RUBCN: variants seen among roughly 807,000 people sequenced by gnomAD.
RUBCN encodes run domain Beclin-1-interacting and cysteine-rich domain-containing protein.
RUBCN carries 74 observed loss-of-function variants against 113.2 expected under a neutral mutation model. The ratio of observed to expected loss-of-function variants is 0.65; its 90% CI spans 0.54 to 0.79. RUBCN has a LOEUF of 0.79. Ranked by LOEUF, RUBCN falls within the 30% of genes least tolerant of loss-of-function variation. RUBCN has a pLI of 0.00. For synonymous variants in RUBCN, 480 were observed against 490.0 expected, an observed-to-expected ratio of 0.98 and a Z score of 0.27; for missense variants, 1,109 against 1,251.7, an observed-to-expected ratio of 0.89 and a Z score of 1.72.
chr3:197,703,508 G>A, intron 5 of RUBCN, 40 bp downstream of exon 5: 11 of 1,392,480 alleles, frequency 7.9e-6, no homozygotes, highest in Non-Finnish European at 1.1e-5. Flanking sequence ...TGAGCTCCAG[G>A]GACCCAGCAT....
chr3:197,717,255 A>G (rs558053862), intron 2 of RUBCN, among the ~76,000 whole-genome samples: 25 of 152,154 alleles, frequency 1.6e-4, no homozygotes, highest in South Asian at 1.2e-3. Context: ...CATCCTGGCT[A>G]ACACGGTGAA....
upstream of RUBCN, chr3:197,736,934 C>G: frequency 1.0e-5 from 14 of 1,343,162 alleles, 1 homozygote; most frequent in South Asian, 2.2e-4. Context: ...GACTACAGCC[C>G]CCGGCGAGCA....
chr3:197,746,634 T>G (rs1457250868), intron 1 of RUBCN, among the ~76,000 whole-genome samples: 5 of 152,250 alleles, frequency 3.3e-5, no homozygotes, highest in African/African-American at 1.2e-4. Flanking sequence ...ACGTGGGACA[T>G]ATTTGTACTA....
At position 197,673,952 on chromosome 3, in the gene RUBCN, A is replaced by T. The variant is rs1720045992; in HGVS notation, c.*1066T>A. ...GACCAAAGAAGCTAAGGCAAGAGAG[A>T]CTCGGCCACCAGGGAAGGACCCAGC... On this transcript the variant is annotated 3_prime_UTR_variant, in exon 20 of 20. Transcript: ENST00000296343. The T allele has an allele frequency of 1.3e-5, 2 of 152,312 alleles. No individual in the cohort carries two copies. Among genetic ancestry groups the T allele is most frequent in the Admixed American group, 1.3e-4 (2 of 15,278 alleles). 9.4% of individuals were successfully genotyped at this position (152,312 alleles called of 1,614,324 possible). A position where few individuals can be genotyped will look rare whatever the true frequency, so the allele number is the denominator to read the frequency against.
upstream of RUBCN, among the ~76,000 whole-genome samples, chr3:197,740,327 G>A (rs1322757251): frequency 1.3e-5 from 2 of 151,126 alleles, no homozygotes; most frequent in African/African-American, 4.9e-5. Context: ...AAATTAGCTG[G>A]GAATGGTGGC....
intron 1 of RUBCN, among the ~76,000 whole-genome samples, chr3:197,726,526 G>T (rs551555350): frequency 7.1e-6 from 1 of 140,560 alleles, no homozygotes; most frequent in African/African-American, 2.7e-5. Flanking sequence ...GATTACAGGC[G>T]TGAGCCACCG....
In RUBCN at chr3:197,674,851, T is replaced by TGGAG; in HGVS notation, c.*166_*167insCTCC. 3.4e-6 allele frequency: 2 copies of TGGAG among 580,638 alleles called. No homozygotes were observed. The highest frequency in any genetic ancestry group is 2.6e-5 in the South Asian group (1 of 38,682). 36.0% of individuals were successfully genotyped at this position (580,638 alleles called of 1,614,324 possible). A position where few individuals can be genotyped will look rare whatever the true frequency, so the allele number is the denominator to read the frequency against. Reference sequence around the variant, plus strand: ...CTGGACCCATCAACCTGCCGACGGCTGACTGCACACAGACGTCAGACAAGT... The same window carrying TGGAG: ...CTGGACCCATCAACCTGCCGACGGCTGGAGGACTGCACACAGACGTCAGACAAGT... On this transcript the variant is annotated 3_prime_UTR_variant, in exon 20 of 20. Coordinates refer to ENST00000296343, the MANE Select transcript of RUBCN (RefSeq NM_014687.4).
intron 2 of RUBCN, among the ~76,000 whole-genome samples, chr3:197,706,846 G>A (rs1222585994): frequency 2.0e-5 from 3 of 152,148 alleles, no homozygotes; most frequent in Non-Finnish European, 4.4e-5. Context: ...TCTATACTGC[G>A]AGGGTAGAAG....
chr3:197,703,123 G>A (rs1723865785), intron 5 of RUBCN, among the ~76,000 whole-genome samples: 1 of 151,978 alleles, frequency 6.6e-6, no homozygotes. Context: ...AGCTGGCCGG[G>A]CGCGGTGGCT....
At chr3:197,736,287 C>T (rs1728110212) in intron 1 of RUBCN, among the ~76,000 whole-genome samples, 2 of 152,142 alleles carry the variant, frequency 1.3e-5, no homozygotes, top group African/African-American at 2.4e-5. Flanking sequence ...AGTTTCAGTC[C>T]GGGTGGTGCC....
intron 18 of RUBCN, chr3:197,676,222 G>A (rs1434630007): frequency 6.1e-6 from 6 of 990,496 alleles, no homozygotes; most frequent in Non-Finnish European, 7.2e-6. Flanking sequence ...CCTCAGAGGG[G>A]ACAAAGTATT....
intron 1 of RUBCN, among the ~76,000 whole-genome samples, chr3:197,721,187 G>A (rs1726120417): frequency 6.6e-6 from 1 of 152,146 alleles, no homozygotes; most frequent in African/African-American, 2.4e-5. Context: ...GGAAGAATTG[G>A]TATTAGTTCT....
intron 8 of RUBCN, 134 bp from the exon 9 acceptor site, chr3:197,696,115 A>T (rs1273847762): frequency 1.2e-6 from 1 of 864,574 alleles, no homozygotes; most frequent in Non-Finnish European, 1.9e-6. Flanking sequence ...ACCTTCTAAA[A>T]GAATTTCTTG....
chr3:197,680,174 C>T (rs1203307679), intron 16 of RUBCN, among the ~76,000 whole-genome samples: 1 of 113,744 alleles, frequency 8.8e-6, no homozygotes, highest in African/African-American at 3.5e-5. Context: ...GCTCTGACAA[C>T]TGGCTCCAGA....
At position 197,681,103 on chromosome 3, in the gene RUBCN, T is replaced by TA; in HGVS notation, c.2430+25dup. 6.7e-7 allele frequency: 1 copy of TA among 1,497,266 alleles called. No homozygotes were observed. The allele number at this position is 1,497,266 out of a possible 1,614,324, so 92.7% of individuals were successfully genotyped here. ...TGAGGGGAGGAGAAGGGCAAGACTC[T>TA]AAGGTGGCCTTTTCCAAGGTCTTAC... On this transcript the variant is annotated intron_variant, in intron 16 of 19. Transcript: ENST00000296343. The surrounding 1 kb of genome is among the most constrained non-coding windows in gnomAD (Gnocchi z 5.5).
intron 1 of RUBCN, among the ~76,000 whole-genome samples, chr3:197,725,770 C>T (rs899611212): frequency 6.6e-6 from 1 of 152,242 alleles, no homozygotes; most frequent in Non-Finnish European, 1.5e-5. Context: ...TGAATTTCAA[C>T]AATCAGTGGA....
chr3:197,731,259 C>T (rs916441253), intron 1 of RUBCN, among the ~76,000 whole-genome samples: 3 of 152,172 alleles, frequency 2.0e-5, no homozygotes, highest in Admixed American at 2.0e-4. Flanking sequence ...ACCCTCAATC[C>T]ATTCAACCCT....
chr3:197,744,996 G>C (rs955549058), intron 1 of RUBCN, among the ~76,000 whole-genome samples: 3 of 152,092 alleles, frequency 2.0e-5, no homozygotes, highest in Non-Finnish European at 4.4e-5. Context: ...TAAGAAAAGG[G>C]GGATTTAGGC....
chr3:197,721,657 G>A (rs1207082197), intron 1 of RUBCN, among the ~76,000 whole-genome samples: 1 of 151,332 alleles, frequency 6.6e-6, no homozygotes, highest in Non-Finnish European at 1.5e-5. Context: ...GTTTGTCCTG[G>A]TTTTCTAGTT....
Sources: gnomAD v4.1 joint callset for allele counts (sites outside exome capture counted in the v4.1 genomes callset) on GRCh38, gnomAD v4.1.1 for gene constraint, Gnocchi (gnomAD v3.1) non-coding constraint, MANE v1.5 for transcripts, NCBI Gene and HGNC (gene_info 2026-07-23, HGNC 2026-07-21) for gene names.